The following SLC29A1 variants were observed in gnomAD, a reference collection of about 807,000 sequenced individuals.
SLC29A1 encodes solute carrier family 29 member 1 (Augustine blood group).
In SLC29A1, 22 loss-of-function variants were observed where a neutral mutation model predicts 48.3. The observed-to-expected ratio is 0.46, with a 90% CI of 0.33 to 0.65. The LOEUF is 0.65. Ranked by LOEUF, SLC29A1 falls within the 30% of genes least tolerant of loss-of-function variation. SLC29A1 has a pLI of 0.03. For synonymous variants in SLC29A1, 228 were observed against 231.0 expected (o/e 0.99, Z 0.12); for missense variants, 491 against 575.3 (o/e 0.85, Z 1.50).
chr6:44,230,711 G>A, intron 7 of SLC29A1, 46 bp downstream of exon 7: 3 of 1,025,496 alleles, frequency 2.9e-6, no homozygotes, highest in Non-Finnish European at 4.5e-6. Context: ...GGGGTCTGGG[G>A]TTCCAGACCA....
chr6:44,231,254 G>A, intron 8 of SLC29A1, 110 bp from the exon 9 acceptor site: 1 of 739,658 alleles, frequency 1.4e-6, no homozygotes, highest in East Asian at 2.7e-5. Flanking sequence ...GGCTGGGACT[G>A]GTTAAGGAGG....
At chr6:44,220,376 G>A (rs1184431360), upstream of SLC29A1, among the ~76,000 whole-genome samples, 1 of 144,450 alleles carries the variant, frequency 6.9e-6, no homozygotes, top group Non-Finnish European at 1.5e-5. Context: ...AAGAGACAGA[G>A]TCTCCCTGTG....
rs1778298721 is a variant in SLC29A1 at position 44,229,295 on chromosome 6, G to A, written c.30-95G>A. The A allele has an allele frequency of 3.1e-6, 3 of 954,860 alleles. No homozygotes were observed. The East Asian group carries it at 7.1e-5, about 23-fold the overall frequency. The allele number at this position is 954,860 out of a possible 1,614,324, so 59.1% of individuals were successfully genotyped here. On this transcript the variant is annotated intron_variant, in intron 2 of 12. Coordinates refer to ENST00000371755, the MANE Select transcript of SLC29A1 (RefSeq NM_001372327.1). This position sits in a 1 kb window ranked among gnomAD's most constrained non-coding sequence, Gnocchi z 5.1. ...CAGACGCCCTGTGCCCTGGGACCTAGAGAGACTGACAACGGACAGGGGCTT... is the reference window on the plus strand; with the variant it reads ...CAGACGCCCTGTGCCCTGGGACCTAAAGAGACTGACAACGGACAGGGGCTT...
chr6:44,232,699 G>A lies in SLC29A1; in HGVS notation c.1060-108G>A. ...AAGAGTAACCCCCTAAGGAGAACCA[G>A]GCTTTGAGGTTTCAGTTCAGATCCT... is the stretch of plus-strand genomic sequence containing the variant. On this transcript the variant is annotated intron_variant, in intron 11 of 12. Coordinates refer to ENST00000371755, the MANE Select transcript of SLC29A1 (RefSeq NM_001372327.1). The surrounding 1 kb of genome is among the most constrained non-coding windows in gnomAD (Gnocchi z 4.7). 9.8e-7 allele frequency: 1 copy of A among 1,024,516 alleles called. No homozygotes were observed. Among genetic ancestry groups the A allele is most frequent in the Non-Finnish European group, 1.5e-6 (1 of 680,736 alleles). 63.5% of individuals were successfully genotyped at this position (1,024,516 alleles called of 1,614,324 possible).
chr6:44,228,454 G>A (rs182784805), intron 2 of SLC29A1, among the ~76,000 whole-genome samples: 8 of 152,346 alleles, frequency 5.3e-5, no homozygotes, highest in African/African-American at 9.6e-5. Context: ...ACCTGCTCAC[G>A]TGGTGTGCTC....
intron 5 of SLC29A1, 107 bp from the exon 6 acceptor site, chr6:44,230,240 C>T: frequency 6.5e-7 from 1 of 1,532,782 alleles, no homozygotes; most frequent in Non-Finnish European, 8.9e-7. Flanking sequence ...GGCAGCTCAG[C>T]CTCAAGGCTC....
intron 9 of SLC29A1, 40 bp downstream of exon 9, chr6:44,231,501 T>C (rs1173699266): frequency 7.6e-7 from 1 of 1,309,582 alleles, no homozygotes; most frequent in Non-Finnish European, 1.1e-6. Context: ...CCCCTTGTCC[T>C]CTTTCTCTCC....
upstream of SLC29A1, among the ~76,000 whole-genome samples, chr6:44,220,423 AT>A (rs1351259166): frequency 2.0e-5 from 3 of 146,802 alleles, no homozygotes; most frequent in South Asian, 2.2e-4. Context: ...AGCTCAAGTG[AT>A]TCTTCTACCT....
At chr6:44,227,223 G>T (rs1204328686) in intron 1 of SLC29A1, 40 bp from the exon 2 acceptor site, 7 of 1,589,558 alleles carry the variant, frequency 4.4e-6, no homozygotes, top group East Asian at 2.3e-5. Context: ...GCCTATGGCA[G>T]GGCCAAGACA....
intron 5 of SLC29A1, 55 bp downstream of exon 5, chr6:44,230,101 T>C: frequency 1.9e-6 from 3 of 1,595,062 alleles, no homozygotes; most frequent in South Asian, 2.2e-5. Flanking sequence ...CTACCCCCAC[T>C]CTTTTTTCAG....
chr6:44,230,903 G>A lies in SLC29A1; in HGVS notation c.766+14G>A. On this transcript the variant is annotated intron_variant, in intron 8 of 12. Transcript: ENST00000371755. ...TCATTAGCAAAGGTCCGAAGAGCCT[G>A]AGGAAGCTGGGGTGGAGGATGGTAT... is the stretch of plus-strand genomic sequence containing the variant. The A allele has an allele frequency of 1.4e-5, 22 of 1,607,808 alleles. No individual in the cohort carries two copies. Among genetic ancestry groups the A allele is most frequent in the Non-Finnish European group, 1.8e-5 (21 of 1,174,350 alleles).
chr6:44,233,674 A>G lies in SLC29A1; in HGVS notation c.*146A>G. On this transcript the variant is annotated 3_prime_UTR_variant, in exon 13 of 13. Coordinates refer to ENST00000371755, the MANE Select transcript of SLC29A1 (RefSeq NM_001372327.1). ...CGGCGTGTGCTGGGCCCGGATCTCC[A>G]GGCCCTGGGGAGGGAGCCTCTGGAC... 1 of 662,882 alleles carries G rather than the reference A, an allele frequency of 1.5e-6. No individual in the cohort carries two copies. The highest frequency in any genetic ancestry group is 2.7e-6 in the Non-Finnish European group (1 of 374,126). 41.1% of individuals were successfully genotyped at this position (662,882 alleles called of 1,614,324 possible).
intron 12 of SLC29A1, 134 bp downstream of exon 12, chr6:44,233,140 T>C (rs1476937594): frequency 1.0e-6 from 1 of 987,060 alleles, no homozygotes; most frequent in Non-Finnish European, 1.5e-6. Context: ...CAGGAGGGGC[T>C]CCCAGGCTGA....
intron 1 of SLC29A1, chr6:44,227,040 G>T: frequency 7.5e-7 from 1 of 1,326,270 alleles, no homozygotes. Context: ...CGGGAGCCAG[G>T]TAGAGTCTGA....
In SLC29A1 at chr6:44,231,790, G is replaced by A. The variant is rs957062366; in HGVS notation, c.865-208G>A. Among the ~76,000 whole-genome samples, 7 of 152,080 alleles carry A rather than the reference G, an allele frequency of 4.6e-5. No individual in the cohort carries two copies. In the South Asian group the frequency reaches 6.2e-4, roughly 13 times the overall value. On this transcript the variant is annotated intron_variant, in intron 9 of 12. Coordinates refer to ENST00000371755, the MANE Select transcript of SLC29A1 (RefSeq NM_001372327.1). Reference sequence around the variant, plus strand: ...ATTACAGGCATATGCCACCATGCCCGGCTAATTTTTTGTATTTAGTAGAGA... The same window carrying A: ...ATTACAGGCATATGCCACCATGCCCAGCTAATTTTTTGTATTTAGTAGAGA...
chr6:44,233,877 C>A lies in SLC29A1; in HGVS notation c.*349C>A. ...GTGTATGTGTCTGTGTGTCTGCGTCCGTGTCTGTCAGACTGTCTGCCTGTC... is the reference window on the plus strand; with the variant it reads ...GTGTATGTGTCTGTGTGTCTGCGTCAGTGTCTGTCAGACTGTCTGCCTGTC... On this transcript the variant is annotated 3_prime_UTR_variant, in exon 13 of 13. Transcript: ENST00000371755. 3.9e-6 allele frequency: 1 copy of A among 253,384 alleles called. No homozygotes were observed. The allele number at this position is 253,384 out of a possible 1,614,324, so 15.7% of individuals were successfully genotyped here. A position where few individuals can be genotyped will look rare whatever the true frequency, so the allele number is the denominator to read the frequency against.
upstream of SLC29A1, among the ~76,000 whole-genome samples, chr6:44,222,844 C>T (rs1264119869): frequency 6.6e-6 from 1 of 152,244 alleles, no homozygotes; most frequent in Non-Finnish European, 1.5e-5. Context: ...CCACCTGTGC[C>T]TCAGTTTTCC....
chr6:44,227,324 G>C lies in SLC29A1; in HGVS notation c.11G>C (p.Ser4Thr), dbSNP rs781445155. Residue 4 changes from serine (S) to threonine (T), a missense_variant, in exon 2 of 13, where the codon AGT becomes ACT. Coordinates refer to ENST00000371755, the MANE Select transcript of SLC29A1 (RefSeq NM_001372327.1). ...GAGAACACCATCACCATGACAACCA[G>C]TCACCAGCCTCAGGACAGGTAAGGG... MTT[S>T]HQPQDRYKAV... The C allele has an allele frequency of 1.9e-6, 3 of 1,614,128 alleles. No homozygotes were observed. The highest frequency in any genetic ancestry group is 2.5e-6 in the Non-Finnish European group (3 of 1,179,990).
chr6:44,222,609 G>A (rs1023463167), upstream of SLC29A1, among the ~76,000 whole-genome samples: 2 of 152,232 alleles, frequency 1.3e-5, no homozygotes, highest in East Asian at 1.9e-4. Flanking sequence ...ACTGCTGGAA[G>A]GGCAGGGAGT....
Sources: allele counts gnomAD v4.1 joint callset (sites outside exome capture counted in the v4.1 genomes callset), GRCh38; gene constraint gnomAD v4.1.1; non-coding constraint Gnocchi (gnomAD v3.1); transcripts MANE v1.5; gene names NCBI Gene and HGNC (gene_info 2026-07-23, HGNC 2026-07-21).